GABRA5: variants seen among roughly 807,000 people sequenced by gnomAD.
GABRA5 encodes the protein gamma-aminobutyric acid receptor subunit alpha-5.
In GABRA5, 18 loss-of-function variants were observed where a neutral mutation model predicts 47.3. That is an observed-to-expected ratio of 0.38 (90% confidence interval 0.26 to 0.56). GABRA5 has a LOEUF of 0.56. GABRA5 is among the 20% of genes least tolerant of loss of function. The pLI is 0.71. For synonymous variants in GABRA5, 237 were observed against 229.3 expected, an observed-to-expected ratio of 1.03 and a Z score of -0.30; for missense variants, 365 against 599.3, an observed-to-expected ratio of 0.61 and a Z score of 4.08.
In GABRA5 at chr15:26,878,167, C is replaced by T. The variant is rs116280245; in HGVS notation, c.87-2679C>T. 9.1e-3 allele frequency among the ~76,000 whole-genome samples: 1,386 copies of T among 152,328 alleles called. 16 individuals are homozygous for T. Among genetic ancestry groups the T allele is most frequent in the African/African-American group, 0.032 (1,339 of 41,582 alleles). On this transcript the variant is annotated intron_variant, in intron 3 of 10. Coordinates refer to ENST00000335625, the MANE Select transcript of GABRA5 (RefSeq NM_000810.4). ...CATTAGTGCTCACCAAAGGCATAGC[C>T]CTGGATTTCTGTGTTATTTTGTTTT...
chr15:26,919,403 T>G (rs1199851119), intron 7 of GABRA5, among the ~76,000 whole-genome samples: 2 of 152,174 alleles, frequency 1.3e-5, no homozygotes, highest in Admixed American at 1.3e-4. Flanking sequence ...TTTCTGTAAC[T>G]TCTATAGTTA....
chr15:26,919,839 T>C (rs1893801465), intron 7 of GABRA5, among the ~76,000 whole-genome samples: 2 of 152,182 alleles, frequency 1.3e-5, no homozygotes, highest in African/African-American at 4.8e-5. Context: ...GCTTTTGTTT[T>C]TCTGGAAAAG....
intron 3 of GABRA5, 22 bp from the exon 4 acceptor site, chr15:26,880,824 C>G (rs528425098): frequency 6.2e-7 from 1 of 1,611,618 alleles, no homozygotes; most frequent in Admixed American, 1.7e-5. Context: ...TTAACGCTTC[C>G]TCTTGTTTCT....
chr15:26,883,415 C>T lies in GABRA5; in HGVS notation c.355C>T (p.Pro119Ser). The T allele has an allele frequency of 1.2e-6, 2 of 1,614,098 alleles. No individual in the cohort carries two copies. The highest frequency in any genetic ancestry group is 1.7e-6 in the Non-Finnish European group (2 of 1,179,954). Residue 119 changes from proline to serine, a missense_variant, in exon 6 of 11, where the codon CCT becomes TCT. By Grantham distance (74) the Pro-to-Ser change is moderately conservative. This residue lies in a region of GABRA5 where 216 missense variants were observed against 335.3 expected (regional missense o/e 0.64). Coordinates refer to ENST00000335625, the MANE Select transcript of GABRA5 (RefSeq NM_000810.4). This position sits in a 1 kb window ranked among gnomAD's most constrained non-coding sequence, Gnocchi z 4.8. ...LRFKGPMQRL[P>S]LNNLLASKIW... ...GTTTAAGGGGCCCATGCAGCGCCTC[C>T]CTCTCAACAACCTCCTTGCCAGCAA...
intron 6 of GABRA5, among the ~76,000 whole-genome samples, chr15:26,886,599 G>T (rs1892885568): frequency 6.6e-6 from 1 of 152,128 alleles, no homozygotes; most frequent in African/African-American, 2.4e-5. Flanking sequence ...CTAGTGAGGA[G>T]GTCACAGGAA....
intron 6 of GABRA5, among the ~76,000 whole-genome samples, chr15:26,891,925 TCTC>T (rs1893016469): frequency 6.6e-6 from 1 of 152,188 alleles, no homozygotes; most frequent in South Asian, 2.1e-4. Flanking sequence ...GATGGTCTCA[TCTC>T]CTGCACGCTC....
chr15:26,891,291 T>C (rs934587452), intron 6 of GABRA5, among the ~76,000 whole-genome samples: 4 of 152,176 alleles, frequency 2.6e-5, no homozygotes, highest in Non-Finnish European at 5.9e-5. Context: ...AAACCAGAGC[T>C]TCAGAAATAT....
At chr15:26,924,219 A>T (rs1217103732) in intron 7 of GABRA5, among the ~76,000 whole-genome samples, 1 of 137,674 alleles carries the variant, frequency 7.3e-6, no homozygotes, top group Admixed American at 8.2e-5. Context: ...CCTCGTTACC[A>T]CTGGGTCAGG....
chr15:26,878,778 T>C (rs1412117932), intron 3 of GABRA5, among the ~76,000 whole-genome samples: 10 of 151,884 alleles, frequency 6.6e-5, no homozygotes, highest in Admixed American at 6.6e-4. Flanking sequence ...ATGAAAATAA[T>C]TTTGATCAAG....
At chr15:26,911,565 C>T (rs962278742) in intron 6 of GABRA5, among the ~76,000 whole-genome samples, 3 of 152,140 alleles carry the variant, frequency 2.0e-5, no homozygotes, top group Non-Finnish European at 2.9e-5. Flanking sequence ...GGCTCTGGTC[C>T]CTTTTATAAA....
chr15:26,876,881 AC>A (rs1370736462), intron 3 of GABRA5, among the ~76,000 whole-genome samples: 2 of 151,970 alleles, frequency 1.3e-5, no homozygotes, highest in Non-Finnish European at 2.9e-5. Context: ...CCTATGCAGG[AC>A]CCCCAGTGTG....
chr15:26,882,416 G>A (rs74006528), intron 4 of GABRA5, among the ~76,000 whole-genome samples: 2,155 of 152,272 alleles, frequency 0.014, 54 homozygotes, highest in African/African-American at 0.049. Context: ...CAGGCCCACA[G>A]TGCGGCTGGA....
At position 26,943,430 on chromosome 15, in the gene GABRA5, C is replaced by A; in HGVS notation, c.1089+4C>A. 1 of 1,576,002 alleles carries A rather than the reference C, an allele frequency of 6.3e-7. No homozygotes were observed. Among genetic ancestry groups the A allele is most frequent in the Non-Finnish European group, 8.6e-7 (1 of 1,159,818 alleles). On this transcript the variant is annotated splice_donor_region_variant and intron_variant, in intron 10 of 10. Transcript: ENST00000335625. The stretch of plus-strand genomic sequence containing the variant: ...CTTGGAAGCAGCCAAGATCAAGGTA[C>A]TGACTATTTCTCCTCCTTTCTTCCA...
chr15:26,900,337 TA>T (rs1157495746), intron 6 of GABRA5, among the ~76,000 whole-genome samples: 1 of 152,148 alleles, frequency 6.6e-6, no homozygotes, highest in African/African-American at 2.4e-5. Flanking sequence ...TCATATGGGA[TA>T]AAAAATGGGT....
chr15:26,938,063 A>C (rs968308552), intron 8 of GABRA5, among the ~76,000 whole-genome samples: 4 of 152,226 alleles, frequency 2.6e-5, no homozygotes, highest in Non-Finnish European at 4.4e-5. Context: ...AAGAGCTCTA[A>C]GCCCCAGAGG....
Position 26,893,591 on chromosome 15 carries a change from G to C in GABRA5, c.497+10034G>C, listed in dbSNP as rs180900801. On this transcript the variant is annotated intron_variant, in intron 6 of 10. Transcript: ENST00000335625. ...CCTAGGGCTCCCCTTCCTCTGCCTCGTGTCCTTCCCGCTCGCCCATCCCTT... is the reference window on the plus strand; with the variant it reads ...CCTAGGGCTCCCCTTCCTCTGCCTCCTGTCCTTCCCGCTCGCCCATCCCTT... 2.8e-3 allele frequency among the ~76,000 whole-genome samples: 430 copies of C among 152,042 alleles called. 2 individuals are homozygous for C. The highest frequency in any genetic ancestry group is 4.2e-3 in the Non-Finnish European group (287 of 67,950).
chr15:26,911,268 T>A (rs1164517366), intron 6 of GABRA5, among the ~76,000 whole-genome samples: 2 of 152,042 alleles, frequency 1.3e-5, no homozygotes, highest in African/African-American at 4.8e-5. Flanking sequence ...TTTTTTACAT[T>A]TTTACTGGAG....
chr15:26,895,826 A>AAAAAAAAAAAAAAAAGAAG (rs1458730535), intron 6 of GABRA5, among the ~76,000 whole-genome samples: 15 of 136,046 alleles, frequency 1.1e-4, no homozygotes, highest in African/African-American at 4.3e-4. Flanking sequence ...AAAAAAAAAA[A>AAAAAAAAAAAAAAAAGAAG]AAGAAGAAGA....
chr15:26,887,153 C>T (rs1233403054), intron 6 of GABRA5, among the ~76,000 whole-genome samples: 1 of 152,086 alleles, frequency 6.6e-6, no homozygotes, highest in East Asian at 1.9e-4. Flanking sequence ...ATGGAATAAG[C>T]TTTATGCACA....
Sources: gnomAD v4.1 joint callset for allele counts (sites outside exome capture counted in the v4.1 genomes callset) on GRCh38, gnomAD v4.1.1 for gene constraint, gnomAD v4.1.1 regional missense constraint, Gnocchi (gnomAD v3.1) non-coding constraint, MANE v1.5 for transcripts, NCBI Gene and HGNC (gene_info 2026-07-23, HGNC 2026-07-21) for gene names.